SLX4IP: variants seen among roughly 807,000 people sequenced by gnomAD.
SLX4IP encodes the protein protein SLX4IP.
In SLX4IP, 34 loss-of-function variants were observed where a neutral mutation model predicts 32.9. The observed-to-expected ratio is 1.03, with a 90% CI of 0.79 to 1.38. The LOEUF (loss-of-function observed/expected upper bound fraction) is 1.38. Among genes scored for constraint, SLX4IP ranks in the 40% most tolerant of loss-of-function variants. The pLI is 0.00. For missense variants in SLX4IP, 444 were observed against 479.0 expected (o/e 0.93, Z 0.68); for synonymous variants, 172 against 171.7 (o/e 1.00, Z -0.01).
intron 2 of SLX4IP, among the ~76,000 whole-genome samples, chr20:10,491,934 C>T (rs578254067): frequency 6.6e-6 from 1 of 152,278 alleles, no homozygotes; most frequent in African/African-American, 2.4e-5. Flanking sequence ...CAAATGTGCT[C>T]ATAAACAACA....
At chr20:10,507,798 A>G (rs1271827630) in intron 2 of SLX4IP, among the ~76,000 whole-genome samples, 1 of 152,104 alleles carries the variant, frequency 6.6e-6, no homozygotes, top group Non-Finnish European at 1.5e-5. Context: ...CCAACCACCC[A>G]GAATTTACAG....
At chr20:10,565,395 C>T (rs554244223) in intron 4 of SLX4IP, among the ~76,000 whole-genome samples, 1 of 152,174 alleles carries the variant, frequency 6.6e-6, no homozygotes, top group African/African-American at 2.4e-5. Flanking sequence ...GAGTCGGGGA[C>T]AGCTTTGAGA....
chr20:10,574,283 C>A (rs1344686295), intron 4 of SLX4IP, among the ~76,000 whole-genome samples: 3 of 152,166 alleles, frequency 2.0e-5, no homozygotes, highest in Admixed American at 2.0e-4. Flanking sequence ...ATTGTTTTGA[C>A]CAGAGGTTGT....
At chr20:10,546,030 TC>T (rs1464953519) in intron 2 of SLX4IP, among the ~76,000 whole-genome samples, 1 of 152,224 alleles carries the variant, frequency 6.6e-6, no homozygotes, top group Non-Finnish European at 1.5e-5. Flanking sequence ...AAAGCCACAT[TC>T]CAATGCCTCA....
chr20:10,542,400 C>T (rs909927042), intron 2 of SLX4IP, among the ~76,000 whole-genome samples: 1 of 152,108 alleles, frequency 6.6e-6, no homozygotes, highest in Non-Finnish European at 1.5e-5. Context: ...ATTATTCTTC[C>T]ACCTTTGAAA....
intron 1 of SLX4IP, among the ~76,000 whole-genome samples, chr20:10,444,715 G>C (rs1349223377): frequency 6.6e-6 from 1 of 152,118 alleles, no homozygotes; most frequent in Non-Finnish European, 1.5e-5. Flanking sequence ...CCTTCTTGCT[G>C]TACCCTCACA....
chr20:10,506,270 G>A (rs749712708), intron 2 of SLX4IP, among the ~76,000 whole-genome samples: 1 of 152,116 alleles, frequency 6.6e-6, no homozygotes, highest in Non-Finnish European at 1.5e-5. Flanking sequence ...TTTTTGCATC[G>A]CGATTATGCT....
intron 4 of SLX4IP, among the ~76,000 whole-genome samples, chr20:10,589,693 T>C (rs550482612): frequency 1.3e-5 from 2 of 152,306 alleles, no homozygotes; most frequent in Admixed American, 1.3e-4. Context: ...TCAATGTTCA[T>C]AGTACTGAGG....
intron 4 of SLX4IP, among the ~76,000 whole-genome samples, chr20:10,567,224 A>G (rs1048999884): frequency 6.6e-6 from 1 of 152,170 alleles, no homozygotes; most frequent in Non-Finnish European, 1.5e-5. Flanking sequence ...CTTACTCATT[A>G]TAAGAACCTC....
chr20:10,543,802 A>G (rs1163197335), intron 2 of SLX4IP, among the ~76,000 whole-genome samples: 2 of 152,178 alleles, frequency 1.3e-5, no homozygotes, highest in African/African-American at 4.8e-5. Context: ...GAATAAAAGG[A>G]TGTCATGAGG....
intron 1 of SLX4IP, among the ~76,000 whole-genome samples, chr20:10,441,757 G>A (rs2065161637): frequency 1.3e-5 from 2 of 149,098 alleles, no homozygotes; most frequent in Admixed American, 6.7e-5. Context: ...GTAAACTTTG[G>A]CATTCAGAAT....
chr20:10,593,897 C>T (rs926906378), intron 4 of SLX4IP, among the ~76,000 whole-genome samples: 4 of 151,958 alleles, frequency 2.6e-5, no homozygotes, highest in African/African-American at 9.7e-5. Flanking sequence ...TGGTTGGATC[C>T]GATTCAAAGG....
intron 2 of SLX4IP, among the ~76,000 whole-genome samples, chr20:10,482,323 A>G (rs1311822117): frequency 6.6e-6 from 1 of 152,186 alleles, no homozygotes; most frequent in Admixed American, 6.5e-5. Flanking sequence ...ATCACAGTGA[A>G]AGCCATGCCA....
In SLX4IP at chr20:10,623,552, G is replaced by A. The variant is rs577339325; in HGVS notation, c.*173G>A. On this transcript the variant is annotated 3_prime_UTR_variant, in exon 8 of 8. Coordinates refer to ENST00000334534, the MANE Select transcript of SLX4IP (RefSeq NM_001009608.3). ...GTTTGTTTTCAAAGCATTTCAAACC[G>A]GGAGGCTATATGCTTGTTCTAACAG... 23 of 954,304 alleles carry A rather than the reference G, an allele frequency of 2.4e-5. No individual in the cohort carries two copies. The highest frequency in any genetic ancestry group is 7.6e-5 in the South Asian group (4 of 52,712). 59.1% of individuals were successfully genotyped at this position (954,304 alleles called of 1,614,324 possible).
intron 1 of SLX4IP, among the ~76,000 whole-genome samples, chr20:10,453,404 CCACAGCT>C (rs757051151): frequency 4.6e-5 from 7 of 151,734 alleles, no homozygotes; most frequent in Non-Finnish European, 2.9e-5. Flanking sequence ...TGTGGTCTAC[CCACAGCT>C]CTCATGGAGG....
chr20:10,620,838 A>G (rs1014251559), intron 6 of SLX4IP, among the ~76,000 whole-genome samples: 1 of 152,232 alleles, frequency 6.6e-6, no homozygotes, highest in Non-Finnish European at 1.5e-5. Context: ...TACAGGCGTG[A>G]GCCACTGCAC....
intron 4 of SLX4IP, among the ~76,000 whole-genome samples, chr20:10,567,954 G>A (rs112725580): frequency 3.3e-5 from 5 of 152,156 alleles, no homozygotes; most frequent in Non-Finnish European, 7.4e-5. Context: ...CATAACTGGC[G>A]AGTGAAGCTA....
At position 10,561,058 on chromosome 20, in the gene SLX4IP, T is replaced by G. The variant is rs550397645; in HGVS notation, c.238+238T>G. 1.1e-3 allele frequency among the ~76,000 whole-genome samples: 175 copies of G among 152,324 alleles called. 2 individuals carry two copies. The highest frequency in any genetic ancestry group is 4.1e-3 in the African/African-American group (172 of 41,558). ...AAACATTCCTAAGGAAACTGTAAAT[T>G]GTTTAAAGGATTGTTTTTTATTTTT... On this transcript the variant is annotated intron_variant, in intron 4 of 7. Transcript: ENST00000334534.
chr20:10,490,899 A>G (rs622188), intron 2 of SLX4IP, among the ~76,000 whole-genome samples: 1 of 151,992 alleles, frequency 6.6e-6, no homozygotes, highest in African/African-American at 2.4e-5. Flanking sequence ...GTTTTCTGCT[A>G]CAACACAGAT....
Sources: allele counts gnomAD v4.1 joint callset (sites outside exome capture counted in the v4.1 genomes callset), GRCh38; gene constraint gnomAD v4.1.1; transcripts MANE v1.5; gene names NCBI Gene and HGNC (gene_info 2026-07-23, HGNC 2026-07-21).